The following MOB3B variants were observed in gnomAD, a reference collection of about 807,000 sequenced individuals.
MOB3B encodes MOB kinase activator-like 2B.
A neutral mutation model predicts 18.7 loss-of-function variants in MOB3B; 7 were observed. The observed-to-expected ratio is 0.37, with a 90% CI of 0.21 to 0.70. The LOEUF (loss-of-function observed/expected upper bound fraction) is 0.70, where lower values mean the gene tolerates loss of function less well. MOB3B is among the 30% of genes least tolerant of loss of function. The pLI, the probability that MOB3B is intolerant of heterozygous loss-of-function variation, is 0.52. For missense variants in MOB3B, 253 were observed against 281.3 expected (o/e 0.90, Z 0.72); for synonymous variants, 111 against 99.9 (o/e 1.11, Z -0.66).
In MOB3B at chr9:27,456,954, T is replaced by C. The variant is rs557347038; in HGVS notation, c.-198-1206A>G. 2.6e-5 allele frequency among the ~76,000 whole-genome samples: 4 copies of C among 152,342 alleles called. No individual in the cohort carries two copies. In the South Asian group the frequency reaches 8.3e-4, roughly 32 times the overall value. ...CGATGCCCTCTTCTCCACTAACTTG[T>C]TGATCCTCACGAAAATCTGCTGAGG... On this transcript the variant is annotated intron_variant, in intron 1 of 3. Coordinates refer to ENST00000262244, the MANE Select transcript of MOB3B (RefSeq NM_024761.5).
chr9:27,485,568 T>G (rs1819719252), intron 1 of MOB3B, among the ~76,000 whole-genome samples: 2 of 152,212 alleles, frequency 1.3e-5, no homozygotes, highest in African/African-American at 2.4e-5. Context: ...CTCCAATGGC[T>G]CCTGCTTTAC....
rs771563910 is a variant in MOB3B, at chr9:27,483,603, T to G, written c.-198-27855A>C. Among the ~76,000 whole-genome samples the G allele has an allele frequency of 4.6e-5, 7 of 152,332 alleles. No individual in the cohort carries two copies. In the South Asian group the frequency reaches 1.4e-3, roughly 32 times the overall value. On this transcript the variant is annotated intron_variant, in intron 1 of 3. Transcript: ENST00000262244. ...TGAGAAAACAGAGCTAATCATAAAT[T>G]GAATGACATACTTACAGTCAAATGA...
At chr9:27,342,160 T>C (rs934075208) in intron 3 of MOB3B, among the ~76,000 whole-genome samples, 7 of 152,134 alleles carry the variant, frequency 4.6e-5, no homozygotes, top group Non-Finnish European at 1.0e-4. Context: ...CATGGGGGTC[T>C]TTTCAGAAAA....
intron 1 of MOB3B, among the ~76,000 whole-genome samples, chr9:27,459,137 C>T (rs766718160): frequency 6.6e-6 from 1 of 152,014 alleles, no homozygotes; most frequent in African/African-American, 2.4e-5. Flanking sequence ...GCCATATTGG[C>T]GCAGGTACCT....
At chr9:27,402,186 G>A (rs1375662493) in intron 2 of MOB3B, among the ~76,000 whole-genome samples, 1 of 152,196 alleles carries the variant, frequency 6.6e-6, no homozygotes, top group Non-Finnish European at 1.5e-5. Flanking sequence ...ATGAGGAATA[G>A]TCAATAAACG....
intron 1 of MOB3B, among the ~76,000 whole-genome samples, chr9:27,464,059 T>C (rs1442457128): frequency 1.3e-5 from 2 of 152,348 alleles, no homozygotes; most frequent in Non-Finnish European, 2.9e-5. Flanking sequence ...CCAGTGAAAG[T>C]GCTTCACAAA....
intron 2 of MOB3B, among the ~76,000 whole-genome samples, chr9:27,378,072 G>T (rs1821518183): frequency 6.6e-6 from 1 of 152,202 alleles, no homozygotes; most frequent in South Asian, 2.1e-4. Flanking sequence ...AATCTATGAG[G>T]TATGGGCTAC....
rs55684272 is a variant in MOB3B at position 27,420,548 on chromosome 9, C to CAT, written c.418+34583_418+34584dup. Among the ~76,000 whole-genome samples the CAT allele has an allele frequency of 4.5e-3, 140 of 31,052 alleles. 2 individuals carry two copies. The highest frequency in any genetic ancestry group is 4.9e-3 in the Non-Finnish European group (91 of 18,680). The allele number at this position is 31,052 out of a possible 152,430, so 20.4% of individuals were successfully genotyped here. ...ATCTATATATTCCATCTGTATATTC[C>CAT]ATATATATATATATATATATATATA... On this transcript the variant is annotated intron_variant, in intron 2 of 3. Coordinates refer to ENST00000262244, the MANE Select transcript of MOB3B (RefSeq NM_024761.5).
chr9:27,387,729 T>C (rs1270634542), intron 2 of MOB3B, among the ~76,000 whole-genome samples: 1 of 152,192 alleles, frequency 6.6e-6, no homozygotes, highest in Non-Finnish European at 1.5e-5. Flanking sequence ...GTTAGAGTTA[T>C]AGCATCTCCT....
chr9:27,403,932 T>G (rs1054761583), intron 2 of MOB3B, among the ~76,000 whole-genome samples: 19 of 152,338 alleles, frequency 1.2e-4, no homozygotes, highest in African/African-American at 4.6e-4. Flanking sequence ...TCTGTTGTGT[T>G]AAGAATATTC....
At position 27,351,436 on chromosome 9, in the gene MOB3B, G is replaced by A. The variant is rs117190081; in HGVS notation, c.621+7598C>T. The stretch of plus-strand genomic sequence containing the variant: ...GCCATTACATGCCTTGCCCCATGTG[G>A]TAACTAATGTGGTAGCATAATAGTG... On this transcript the variant is annotated intron_variant, in intron 3 of 3. Transcript: ENST00000262244. 8.0e-3 allele frequency among the ~76,000 whole-genome samples: 1,218 copies of A among 152,306 alleles called. 12 individuals are homozygous for A. Among genetic ancestry groups the A allele is most frequent in the Non-Finnish European group, 8.5e-3 (580 of 68,026 alleles).
intron 3 of MOB3B, among the ~76,000 whole-genome samples, chr9:27,345,161 GCCCACACACA>G (rs1563845870): frequency 6.6e-6 from 1 of 152,078 alleles, no homozygotes; most frequent in East Asian, 1.9e-4. Flanking sequence ...CCTCCCCCAA[GCCCACACACA>G]AACACTTTGC....
At chr9:27,445,876 G>A (rs563095320) in intron 2 of MOB3B, among the ~76,000 whole-genome samples, 3 of 152,192 alleles carry the variant, frequency 2.0e-5, no homozygotes, top group African/African-American at 7.2e-5. Context: ...CAGGGGGTGG[G>A]CAACACAATG....
intron 1 of MOB3B, among the ~76,000 whole-genome samples, chr9:27,491,458 A>C (rs1819818062): frequency 1.3e-5 from 2 of 152,214 alleles, no homozygotes; most frequent in South Asian, 4.1e-4. Flanking sequence ...AATTTGCCAT[A>C]ATAAGTCTAT....
chr9:27,341,350 T>C, intron 3 of MOB3B, among the ~76,000 whole-genome samples: 1 of 152,212 alleles, frequency 6.6e-6, no homozygotes. Context: ...AAGGATTCCA[T>C]AGAAGCCGTT....
At chr9:27,379,673 G>A (rs1821544833) in intron 2 of MOB3B, among the ~76,000 whole-genome samples, 1 of 152,124 alleles carries the variant, frequency 6.6e-6, no homozygotes, top group African/African-American at 2.4e-5. Context: ...GGCAGGTTCT[G>A]AACAAAAGCC....
At chr9:27,344,909 G>T (rs1235708539) in intron 3 of MOB3B, among the ~76,000 whole-genome samples, 1 of 152,254 alleles carries the variant, frequency 6.6e-6, no homozygotes, top group Admixed American at 6.5e-5. Flanking sequence ...TAACAAAGCT[G>T]CTTACAGTCT....
chr9:27,457,699 T>TC (rs541262379), intron 1 of MOB3B, among the ~76,000 whole-genome samples: 186 of 152,174 alleles, frequency 1.2e-3, no homozygotes, highest in Middle Eastern at 0.01. Context: ...GGGTTTTTTT[T>TC]TTCCTATTCA....
intron 2 of MOB3B, among the ~76,000 whole-genome samples, chr9:27,407,620 C>T (rs1278304431): frequency 3.3e-5 from 5 of 152,124 alleles, no homozygotes; most frequent in Non-Finnish European, 7.4e-5. Context: ...GAAAGGAAGT[C>T]CTGGGCTTCC....
Sources: allele counts gnomAD v4.1 joint callset (sites outside exome capture counted in the v4.1 genomes callset), GRCh38; gene constraint gnomAD v4.1.1; transcripts MANE v1.5; gene names NCBI Gene and HGNC (gene_info 2026-07-23, HGNC 2026-07-21).